KCNJ6: variants seen among roughly 807,000 people sequenced by gnomAD.
KCNJ6 encodes the protein G protein-activated inward rectifier potassium channel 2.
A neutral mutation model predicts 34.2 loss-of-function variants in KCNJ6; 9 were observed. The observed-to-expected ratio is 0.26, with a 90% confidence interval of 0.16 to 0.46. The LOEUF is 0.46. Among genes scored for constraint, KCNJ6 ranks in the 20% least tolerant of loss-of-function variants. The pLI is 1.00. For missense variants in KCNJ6, 236 were observed against 531.3 expected (o/e 0.44, Z 5.46); for synonymous variants, 196 against 207.1 (o/e 0.95, Z 0.46).
At chr21:37,800,323 A>G (rs1568853094) in intron 2 of KCNJ6, among the ~76,000 whole-genome samples, 1 of 152,168 alleles carries the variant, frequency 6.6e-6, no homozygotes, top group African/African-American at 2.4e-5. Context: ...CCATGAAGAA[A>G]TCCACTTAAA....
intron 3 of KCNJ6, among the ~76,000 whole-genome samples, chr21:37,634,554 A>G (rs1306129329): frequency 6.6e-6 from 1 of 152,198 alleles, no homozygotes; most frequent in Non-Finnish European, 1.5e-5. Context: ...CCAACTGTCC[A>G]TTGACAGACA....
At chr21:37,825,824 C>A (rs1163980005) in intron 2 of KCNJ6, among the ~76,000 whole-genome samples, 1 of 152,068 alleles carries the variant, frequency 6.6e-6, no homozygotes, top group Non-Finnish European at 1.5e-5. Flanking sequence ...AGAATGAGAA[C>A]CAAGCAAAAG....
Position 37,620,985 on chromosome 21 carries a change from C to T in KCNJ6, c.*4174G>A, listed in dbSNP as rs960539070. On this transcript the variant is annotated 3_prime_UTR_variant, in exon 4 of 4. Transcript: ENST00000609713. ...TAAAGGCTAACATTTTCTTAGATAC[C>T]GGTTGGCCATAAAGTTCAGAAACAA... 7.9e-5 allele frequency: 12 copies of T among 152,104 alleles called. No homozygotes were observed. Among genetic ancestry groups the T allele is most frequent in the Admixed American group, 2.0e-4 (3 of 15,264 alleles). 9.4% of individuals were successfully genotyped at this position (152,104 alleles called of 1,614,324 possible). A position where few individuals can be genotyped will look rare whatever the true frequency, so the allele number is the denominator to read the frequency against.
intron 3 of KCNJ6, among the ~76,000 whole-genome samples, chr21:37,649,258 G>A (rs1319751349): frequency 1.3e-5 from 2 of 152,010 alleles, no homozygotes; most frequent in Non-Finnish European, 2.9e-5. Context: ...TGTGGGAGAG[G>A]CCGAGGAGTT....
intron 3 of KCNJ6, among the ~76,000 whole-genome samples, chr21:37,694,264 G>T (rs921808596): frequency 6.6e-6 from 1 of 152,190 alleles, no homozygotes; most frequent in African/African-American, 2.4e-5. Context: ...TTATCTTAGT[G>T]CTTCTCACCA....
intron 1 of KCNJ6, among the ~76,000 whole-genome samples, chr21:37,857,518 T>C (rs192472217): frequency 1.1e-3 from 164 of 152,208 alleles, no homozygotes; most frequent in African/African-American, 3.7e-3. Flanking sequence ...TGTGGCTGAG[T>C]GGAAAAGAAA....
chr21:37,786,578 G>C (rs2055193721), intron 2 of KCNJ6, among the ~76,000 whole-genome samples: 1 of 152,202 alleles, frequency 6.6e-6, no homozygotes, highest in African/African-American at 2.4e-5. Flanking sequence ...TACCCCGATT[G>C]GTGGCCTCAA....
At chr21:37,847,141 T>C (rs1332532284) in intron 1 of KCNJ6, among the ~76,000 whole-genome samples, 1 of 152,158 alleles carries the variant, frequency 6.6e-6, no homozygotes, top group African/African-American at 2.4e-5. Flanking sequence ...AAATATAAAA[T>C]ACATAAAAAT....
rs905042489 is a variant in KCNJ6 at position 37,695,411 on chromosome 21, G to A, written c.946+18800C>T. Among the ~76,000 whole-genome samples, 18 of 152,182 alleles carry A rather than the reference G, an allele frequency of 1.2e-4. No homozygotes were observed. Among genetic ancestry groups the A allele is most frequent in the African/African-American group, 4.3e-4 (18 of 41,438 alleles). On this transcript the variant is annotated intron_variant, in intron 3 of 3. Coordinates refer to ENST00000609713, the MANE Select transcript of KCNJ6 (RefSeq NM_002240.5). This position sits in a 1 kb window ranked among gnomAD's most constrained non-coding sequence, Gnocchi z 4.2. The stretch of plus-strand genomic sequence containing the variant: ...AGCAGACACAGGGTCAGTTTCACAG[G>A]GCTGGTTTTTACATTATGCAGCTCA...
At chr21:37,728,692 G>GTA (rs1288296287) in intron 2 of KCNJ6, among the ~76,000 whole-genome samples, 5 of 112,106 alleles carry the variant, frequency 4.5e-5, no homozygotes, top group African/African-American at 2.4e-4. Flanking sequence ...GTGTGTGTGT[G>GTA]TGTGTGTATA....
chr21:37,729,216 G>T (rs1308354810), intron 2 of KCNJ6, among the ~76,000 whole-genome samples: 2 of 152,136 alleles, frequency 1.3e-5, no homozygotes, highest in Non-Finnish European at 2.9e-5. Context: ...GATGTTGGCT[G>T]CCCATGGCAT....
At chr21:37,745,354 G>GC (rs1286211376) in intron 2 of KCNJ6, among the ~76,000 whole-genome samples, 2 of 152,096 alleles carry the variant, frequency 1.3e-5, no homozygotes, top group Non-Finnish European at 2.9e-5. Flanking sequence ...ACTCCTCAGT[G>GC]CAAGTGAATC....
intron 2 of KCNJ6, among the ~76,000 whole-genome samples, chr21:37,774,401 G>A (rs916359896): frequency 9.2e-5 from 14 of 151,794 alleles, no homozygotes; most frequent in Non-Finnish European, 1.9e-4. Flanking sequence ...CACAATGTGC[G>A]GGTTTGTTAC....
chr21:37,912,224 C>A (rs1292140825), intron 1 of KCNJ6, among the ~76,000 whole-genome samples: 2 of 152,166 alleles, frequency 1.3e-5, no homozygotes, highest in African/African-American at 4.8e-5. Flanking sequence ...CTTAACAAAT[C>A]TTACTTGAAA....
chr21:37,882,498 C>T lies in KCNJ6; in HGVS notation c.-28+33386G>A, dbSNP rs574684218. ...AATGCTCCTTTATGTGCCACTTACA[C>T]GCAGCAAATACCAGCCCTTCGCCCC... is the stretch of plus-strand genomic sequence containing the variant. On this transcript the variant is annotated intron_variant, in intron 1 of 3. Transcript: ENST00000609713. Among the ~76,000 whole-genome samples the T allele has an allele frequency of 5.3e-5, 8 of 152,326 alleles. No individual in the cohort carries two copies. The South Asian group carries it at 1.4e-3, about 28-fold the overall frequency.
At chr21:37,793,360 C>G (rs2055225854) in intron 2 of KCNJ6, among the ~76,000 whole-genome samples, 1 of 152,136 alleles carries the variant, frequency 6.6e-6, no homozygotes, top group Non-Finnish European at 1.5e-5. Flanking sequence ...CCTCTCTCCC[C>G]CAAAACCCTT....
chr21:37,748,838 G>C (rs1372978341), intron 2 of KCNJ6, among the ~76,000 whole-genome samples: 2 of 152,154 alleles, frequency 1.3e-5, no homozygotes, highest in Non-Finnish European at 2.9e-5. Context: ...CAAAACTCGG[G>C]AGCCCAGGAA....
chr21:37,727,457 A>ATG (rs1569452966), intron 2 of KCNJ6, among the ~76,000 whole-genome samples: 3 of 44,636 alleles, frequency 6.7e-5, no homozygotes, highest in East Asian at 6.7e-4. Flanking sequence ...GTGAGGACTC[A>ATG]CGTGTGTGTG....
chr21:37,658,412 C>T (rs1291273138), intron 3 of KCNJ6, among the ~76,000 whole-genome samples: 1 of 152,230 alleles, frequency 6.6e-6, no homozygotes, highest in Non-Finnish European at 1.5e-5. Flanking sequence ...CCTGAAATAT[C>T]TGCAGTGCAG....
Sources: gnomAD v4.1 joint callset for allele counts (sites outside exome capture counted in the v4.1 genomes callset) on GRCh38, gnomAD v4.1.1 for gene constraint, Gnocchi (gnomAD v3.1) non-coding constraint, MANE v1.5 for transcripts, NCBI Gene and HGNC (gene_info 2026-07-23, HGNC 2026-07-21) for gene names.